NEU3: variants seen among roughly 807,000 people sequenced by gnomAD.
NEU3 encodes the protein sialidase-3.
In NEU3, 10 loss-of-function variants were observed where a neutral mutation model predicts 11.4. That is an observed-to-expected ratio of 0.88 (90% CI 0.54 to 1.49). The LOEUF is 1.49. NEU3 is among the 40% of genes most tolerant of loss of function. The pLI, the probability that NEU3 is intolerant of heterozygous loss-of-function variation, is 0.00. For missense variants in NEU3, 529 were observed against 581.8 expected (o/e 0.91, Z 0.93); for synonymous variants, 212 against 228.2 (o/e 0.93, Z 0.64).
At chr11:74,984,212 G>A (rs908360586), upstream of NEU3, among the ~76,000 whole-genome samples, 43 of 152,286 alleles carry the variant, frequency 2.8e-4, no homozygotes, top group Middle Eastern at 3.4e-3. Flanking sequence ...GCAAAGAGAG[G>A]CACTGACTAT....
intron 2 of NEU3, chr11:75,004,325 GC>G (rs1177821026): frequency 1.5e-6 from 1 of 670,968 alleles, no homozygotes; most frequent in South Asian, 1.6e-5. Flanking sequence ...TTGCCATGTT[GC>G]CCAGACTGGT....
chr11:74,998,707 T>C (rs1212572991), intron 2 of NEU3, among the ~76,000 whole-genome samples: 1 of 152,240 alleles, frequency 6.6e-6, no homozygotes, highest in Non-Finnish European at 1.5e-5. Flanking sequence ...TCCCTGTCTT[T>C]GCTTTTGATA....
Position 75,006,856 on chromosome 11 carries a change from G to C in NEU3, c.*364G>C. On this transcript the variant is annotated 3_prime_UTR_variant, in exon 3 of 3. Coordinates refer to ENST00000294064, the MANE Select transcript of NEU3 (RefSeq NM_006656.6). ...ATAGTGCCTGCATGCTTCATGATCA[G>C]TAAGTCCTGGCTGCATAAAGGACTC... 1 of 190,168 alleles carries C rather than the reference G, an allele frequency of 5.3e-6. No homozygotes were observed. The highest frequency in any genetic ancestry group is 1.4e-4 in the East Asian group (1 of 7,022). 11.8% of individuals were successfully genotyped at this position (190,168 alleles called of 1,614,324 possible).
upstream of NEU3, among the ~76,000 whole-genome samples, chr11:74,984,957 G>C (rs1386635816): frequency 6.6e-6 from 1 of 152,180 alleles, no homozygotes; most frequent in Non-Finnish European, 1.5e-5. Context: ...AGTTAAATAA[G>C]TTGCCGAGAT....
downstream of NEU3, among the ~76,000 whole-genome samples, chr11:75,020,143 A>G (rs1459900693): frequency 6.6e-6 from 1 of 152,158 alleles, no homozygotes; most frequent in Non-Finnish European, 1.5e-5. Context: ...TGTTTTGGCC[A>G]GTTTCTCCCA....
chr11:75,001,273 T>C (rs1489338947), intron 2 of NEU3, among the ~76,000 whole-genome samples: 3 of 150,244 alleles, frequency 2.0e-5, no homozygotes, highest in Non-Finnish European at 4.5e-5. Flanking sequence ...TTTTTCTTTT[T>C]CTTTTTTTTT....
chr11:75,003,510 A>T (rs1948866185), intron 2 of NEU3, among the ~76,000 whole-genome samples: 1 of 152,218 alleles, frequency 6.6e-6, no homozygotes, highest in African/African-American at 2.4e-5. Context: ...CTGTAACCAG[A>T]AGTCCCTTTC....
At chr11:75,001,971 G>C (rs1948848737) in intron 2 of NEU3, among the ~76,000 whole-genome samples, 4 of 152,184 alleles carry the variant, frequency 2.6e-5, no homozygotes, top group African/African-American at 7.2e-5. Flanking sequence ...AGGACGGAAT[G>C]GTCTTTTATC....
downstream of NEU3, among the ~76,000 whole-genome samples, chr11:75,011,629 A>ATGAT (rs1045811299): frequency 6.6e-6 from 1 of 152,198 alleles, no homozygotes; most frequent in African/African-American, 2.4e-5. Context: ...AAGAGTCCTG[A>ATGAT]TGATAGCCAG....
rs778464108 is a variant in NEU3 at position 75,006,515 on chromosome 11, T to C, written c.*23T>C. On this transcript the variant is annotated 3_prime_UTR_variant, in exon 3 of 3. Transcript: ENST00000294064. ...TAATTGGCTTAGGACCCAATTTCCA[T>C]AGATGCAAATGGCAGTTACAGACAG... is the stretch of plus-strand genomic sequence containing the variant. 4 of 1,580,038 alleles carry C rather than the reference T, an allele frequency of 2.5e-6. No individual in the cohort carries two copies. Among genetic ancestry groups the C allele is most frequent in the Admixed American group, 1.8e-5 (1 of 56,618 alleles).
At chr11:74,990,061 G>T (rs1036954812) in intron 1 of NEU3, 9 of 700,644 alleles carry the variant, frequency 1.3e-5, no homozygotes, top group Non-Finnish European at 2.3e-5. Context: ...AAAATTAATG[G>T]CTCTAATTGT....
At chr11:74,987,029 G>T (rs1201542682), upstream of NEU3, among the ~76,000 whole-genome samples, 10 of 152,174 alleles carry the variant, frequency 6.6e-5, no homozygotes, top group Non-Finnish European at 1.3e-4. Flanking sequence ...AGCAATAAGG[G>T]TGTAGCTTTT....
rs1412666276 is a variant in NEU3 at position 75,007,885 on chromosome 11, T to C, written c.*1393T>C. 1 of 152,186 alleles carries C rather than the reference T, an allele frequency of 6.6e-6. No homozygotes were observed. The highest frequency in any genetic ancestry group is 1.5e-5 in the Non-Finnish European group (1 of 68,050). The allele number at this position is 152,186 out of a possible 1,614,324, so 9.4% of individuals were successfully genotyped here. A position where few individuals can be genotyped will look rare whatever the true frequency, so the allele number is the denominator to read the frequency against. On this transcript the variant is annotated 3_prime_UTR_variant, in exon 3 of 3. Transcript: ENST00000294064. ...TGGTATCAACTAAATATATTTGGTG[T>C]TGTACAATGACCACAGAGAACAAGT...
Position 75,006,019 on chromosome 11 carries a change from C to G in NEU3, c.913C>G (p.Leu305Val). 1 of 1,614,004 alleles carries G rather than the reference C, an allele frequency of 6.2e-7. No homozygotes were observed. The highest frequency in any genetic ancestry group is 8.5e-7 in the Non-Finnish European group (1 of 1,179,904). ...TCAGAGACTGGCCCTGAGTCGACAG[C>G]TCTGTGAGCCCCCACATGGTTGCCA... ...GFQRLALSRQ[L>V]CEPPHGCQGS... The change falls in exon 3 of 3, where the codon CTC (leucine) becomes GTC (valine). Residue 305 changes from leucine to valine, a missense_variant. By Grantham distance (32) the Leu-to-Val change is conservative (BLOSUM62 1). Transcript: ENST00000294064.
chr11:74,994,917 C>T, intron 2 of NEU3, 197 bp downstream of exon 2: 1 of 697,706 alleles, frequency 1.4e-6, no homozygotes, highest in Non-Finnish European at 2.6e-6. Context: ...CACAGCCATT[C>T]TGTGTCGTAG....
intron 2 of NEU3, among the ~76,000 whole-genome samples, chr11:75,001,036 C>G (rs567617456): frequency 2.7e-4 from 41 of 152,082 alleles, no homozygotes; most frequent in Non-Finnish European, 5.0e-4. Context: ...AACTGGCATG[C>G]CATTTTCCAT....
intron 1 of NEU3, among the ~76,000 whole-genome samples, chr11:74,992,965 GA>G (rs1333042044): frequency 1.3e-5 from 2 of 151,372 alleles, no homozygotes; most frequent in Non-Finnish European, 2.9e-5. Context: ...CGTCTCAAAA[GA>G]AAAAAAATAA....
At chr11:74,982,936 T>A in the NEU3 span, among the ~76,000 whole-genome samples, 4 of 152,128 alleles carry the variant, frequency 2.6e-5, no homozygotes, top group African/African-American at 9.7e-5. Context: ...GGAAATAACA[T>A]CATTTCTTGG....
At chr11:75,017,221 A>C (rs139792608) in intron 3 of NEU3, among the ~76,000 whole-genome samples, 54 of 152,312 alleles carry the variant, frequency 3.5e-4, no homozygotes, top group African/African-American at 1.3e-3. Flanking sequence ...CAGGCATTCC[A>C]AATGGGAGGG....
Sources: gnomAD v4.1 joint callset for allele counts (sites outside exome capture counted in the v4.1 genomes callset) on GRCh38, gnomAD v4.1.1 for gene constraint, MANE v1.5 for transcripts, NCBI Gene and HGNC (gene_info 2026-07-23, HGNC 2026-07-21) for gene names.